Variants in INSL6 observed in about 807,000 individuals in gnomAD.
INSL6 encodes the protein insulin-like peptide INSL6.
INSL6 carries 16 observed loss-of-function variants against 9.4 expected under a neutral mutation model. That is an observed-to-expected ratio of 1.70 (90% confidence interval 1.15 to 2.59). The LOEUF (loss-of-function observed/expected upper bound fraction) is 2.59. INSL6 is among the 30% of genes most tolerant of loss of function. INSL6 has a pLI of 0.00. For synonymous variants in INSL6, 154 were observed against 96.9 expected, an observed-to-expected ratio of 1.59 and a Z score of -3.46; for missense variants, 391 against 257.3, an observed-to-expected ratio of 1.52 and a Z score of -3.56.
At chr9:5,070,101 C>T in the INSL6 span, 3 of 1,339,876 alleles carry the variant, frequency 2.2e-6, no homozygotes, top group Non-Finnish European at 3.1e-6. Context: ...TTTAAAACAA[C>T]ATCTGTTTTC....
the INSL6 span, among the ~76,000 whole-genome samples, chr9:5,079,782 G>A: frequency 6.6e-6 from 1 of 151,892 alleles, no homozygotes; most frequent in Admixed American, 6.6e-5. Context: ...TCGTGCCATT[G>A]CACTCTAGCC....
At chr9:5,128,122 T>C (rs1421362322) in intron 3 of INSL6, 1 of 226,476 alleles carries the variant, frequency 4.4e-6, no homozygotes, top group Non-Finnish European at 8.6e-6. Context: ...GTGTGTGTGT[T>C]ATTTATACAA....
At chr9:5,066,787 G>C in the INSL6 span, 3 of 1,479,036 alleles carry the variant, frequency 2.0e-6, no homozygotes, top group East Asian at 7.2e-5. Flanking sequence ...TTTTGCTGTC[G>C]AGGTTAGTAT....
chr9:5,052,215 A>C, the INSL6 span, among the ~76,000 whole-genome samples: 4 of 152,130 alleles, frequency 2.6e-5, no homozygotes, highest in Admixed American at 1.3e-4. Context: ...GCTGTCATCC[A>C]AAGTCTTGGC....
At chr9:5,090,218 A>C in the INSL6 span, among the ~76,000 whole-genome samples, 1 of 152,216 alleles carries the variant, frequency 6.6e-6, no homozygotes, top group Non-Finnish European at 1.5e-5. Flanking sequence ...GTTTGCCTGA[A>C]GAGTTATAGA....
At chr9:5,131,331 C>T (rs1443572273) in intron 3 of INSL6, among the ~76,000 whole-genome samples, 7 of 151,716 alleles carry the variant, frequency 4.6e-5, no homozygotes, top group South Asian at 2.1e-4. Context: ...ACATTTAAGA[C>T]CCCTCAATTT....
chr9:5,036,931 C>A, the INSL6 span, among the ~76,000 whole-genome samples: 3 of 152,172 alleles, frequency 2.0e-5, no homozygotes, highest in Non-Finnish European at 4.4e-5. Context: ...AGGCAACCTA[C>A]AGAATGGGAG....
chr9:5,080,293 G>C, the INSL6 span: 251 of 1,613,414 alleles, frequency 1.6e-4, no homozygotes, highest in Non-Finnish European at 2.1e-4. Flanking sequence ...ATTTAAATTT[G>C]GCAACAGACA....
At chr9:5,023,608 T>G in the INSL6 span, among the ~76,000 whole-genome samples, 3 of 152,210 alleles carry the variant, frequency 2.0e-5, no homozygotes, top group Non-Finnish European at 4.4e-5. Flanking sequence ...ATCTCTAACT[T>G]AACCTTTCCC....
At chr9:5,142,533 A>G (rs1359351834) in intron 2 of INSL6, among the ~76,000 whole-genome samples, 1 of 152,184 alleles carries the variant, frequency 6.6e-6, no homozygotes, top group East Asian at 1.9e-4. Flanking sequence ...AATGCTAGTG[A>G]TGTTCTGCAA....
chr9:5,162,245 T>A (rs1824943010), downstream of INSL6, among the ~76,000 whole-genome samples: 1 of 152,070 alleles, frequency 6.6e-6, no homozygotes, highest in Admixed American at 6.6e-5. Flanking sequence ...CAATTTGGGA[T>A]TGCTCTAAGG....
the INSL6 span, among the ~76,000 whole-genome samples, chr9:5,049,877 G>C: frequency 6.6e-6 from 1 of 152,094 alleles, no homozygotes; most frequent in African/African-American, 2.4e-5. Flanking sequence ...AATATTGTAG[G>C]CACTTGTAAC....
the INSL6 span, among the ~76,000 whole-genome samples, chr9:5,039,166 G>T: frequency 6.6e-6 from 1 of 151,982 alleles, no homozygotes; most frequent in Non-Finnish European, 1.5e-5. Context: ...GGGAAATTAG[G>T]CAAGAAAAAG....
downstream of INSL6, among the ~76,000 whole-genome samples, chr9:5,159,624 C>T (rs1824882340): frequency 6.6e-6 from 1 of 152,108 alleles, no homozygotes; most frequent in Admixed American, 6.6e-5. Flanking sequence ...TATACGCATT[C>T]AACGCTGGAG....
the INSL6 span, among the ~76,000 whole-genome samples, chr9:5,103,221 C>CAAAAAAAAAAAAA: frequency 5.8e-4 from 4 of 6,872 alleles, 1 homozygote; most frequent in Non-Finnish European, 7.5e-4. Flanking sequence ...AAAGGGAAAG[C>CAAAAAAAAAAAAA]AAAAAAAAAA....
chr9:5,175,026 G>C (rs2130915656), intron 1 of INSL6, among the ~76,000 whole-genome samples: 1 of 151,126 alleles, frequency 6.6e-6, no homozygotes, highest in African/African-American at 2.4e-5. Flanking sequence ...TGCAAGCTCT[G>C]CCTCCCGGGT....
chr9:4,996,253 A>G, the INSL6 span, among the ~76,000 whole-genome samples: 9 of 152,186 alleles, frequency 5.9e-5, no homozygotes, highest in African/African-American at 2.2e-4. Flanking sequence ...GTTCACCACC[A>G]GCCTGACTAA....
chr9:5,097,104 C>G, the INSL6 span: 3 of 152,170 alleles, frequency 2.0e-5, no homozygotes, highest in African/African-American at 7.2e-5. Context: ...GTCTTACCAT[C>G]TTCTCACTTC....
chr9:5,042,988 G>T, the INSL6 span, among the ~76,000 whole-genome samples: 4 of 152,340 alleles, frequency 2.6e-5, no homozygotes, highest in East Asian at 1.9e-4. Flanking sequence ...GAAGCTGAGG[G>T]GGGTGGGCCG....
Sources: allele counts gnomAD v4.1 joint callset (sites outside exome capture counted in the v4.1 genomes callset), GRCh38; gene constraint gnomAD v4.1.1; transcripts MANE v1.5; gene names NCBI Gene and HGNC (gene_info 2026-07-23, HGNC 2026-07-21).